The following PATJ variants were observed in gnomAD, a reference collection of about 807,000 sequenced individuals.
The protein encoded by PATJ is PATJ crumbs cell polarity complex component.
A neutral mutation model predicts 224.9 loss-of-function variants in PATJ; 190 were observed. The observed-to-expected ratio is 0.84, with a 90% CI of 0.75 to 0.95. PATJ has a LOEUF of 0.95. Ranked by LOEUF, PATJ falls within the 40% of genes least tolerant of loss-of-function variation. The pLI, the probability that PATJ is intolerant of heterozygous loss-of-function variation, is 0.00. For missense variants in PATJ, 2,121 were observed against 2,270.3 expected, an observed-to-expected ratio of 0.93 and a Z score of 1.34; for synonymous variants, 769 against 820.3, an observed-to-expected ratio of 0.94 and a Z score of 1.07.
intron 8 of PATJ, among the ~76,000 whole-genome samples, chr1:61,791,007 C>A (rs150782388): frequency 5.9e-5 from 9 of 152,290 alleles, no homozygotes; most frequent in Middle Eastern, 3.4e-3. Context: ...CCTTAAGGTC[C>A]CCTGCATTCC....
chr1:62,141,994 A>G (rs1453644387), intron 41 of PATJ, among the ~76,000 whole-genome samples: 1 of 152,214 alleles, frequency 6.6e-6, no homozygotes, highest in Non-Finnish European at 1.5e-5. Flanking sequence ...AAATAAACAA[A>G]TAAATAAAAA....
chr1:61,839,008 G>A (rs1660657994), intron 17 of PATJ, among the ~76,000 whole-genome samples: 1 of 152,094 alleles, frequency 6.6e-6, no homozygotes, highest in Non-Finnish European at 1.5e-5. Context: ...TGTCATTTTA[G>A]AAGTGAAGAA....
At chr1:62,045,282 A>G (rs1474131546) in intron 30 of PATJ, among the ~76,000 whole-genome samples, 1 of 152,206 alleles carries the variant, frequency 6.6e-6, no homozygotes, top group Non-Finnish European at 1.5e-5. Flanking sequence ...TAACGAATTT[A>G]ACTTTTATTG....
At chr1:61,770,278 G>A (rs887233498) in intron 5 of PATJ, among the ~76,000 whole-genome samples, 2 of 152,112 alleles carry the variant, frequency 1.3e-5, no homozygotes, top group Non-Finnish European at 2.9e-5. Flanking sequence ...ACAGGAAGAG[G>A]AAGAATATCT....
chr1:61,860,538 G>A (rs1664376785), intron 18 of PATJ, among the ~76,000 whole-genome samples: 1 of 151,892 alleles, frequency 6.6e-6, no homozygotes, highest in African/African-American at 2.4e-5. Flanking sequence ...GTAAGATGAG[G>A]ATTGGCTGTA....
Position 62,017,713 on chromosome 1 carries a change from C to CA in PATJ, c.3868-142dup, listed in dbSNP as rs1358212598. The CA allele has an allele frequency of 2.8e-5, 12 of 432,700 alleles. No individual in the cohort carries two copies. The African/African-American group carries it at 2.9e-4, about 11-fold the overall frequency. 26.8% of individuals were successfully genotyped at this position (432,700 alleles called of 1,614,324 possible). On this transcript the variant is annotated intron_variant, in intron 28 of 43. Transcript: ENST00000642238. ...CACCATTGCACTCCAGCCTGGGCGA[C>CA]AGAGTGAGACTGTCTCAAAAAAAAA...
At chr1:62,152,397 G>A (rs1390588785) in intron 42 of PATJ, among the ~76,000 whole-genome samples, 1 of 152,068 alleles carries the variant, frequency 6.6e-6, no homozygotes, top group Admixed American at 6.6e-5. Flanking sequence ...GCTCACGCCT[G>A]GAATCCCAGC....
At chr1:62,066,124 G>T (rs965723818) in intron 31 of PATJ, among the ~76,000 whole-genome samples, 3 of 152,150 alleles carry the variant, frequency 2.0e-5, no homozygotes, top group East Asian at 1.9e-4. Flanking sequence ...GAAGAATCCT[G>T]CCTTCAGGGA....
chr1:62,016,274 T>G (rs1646765399), intron 28 of PATJ, among the ~76,000 whole-genome samples: 1 of 152,210 alleles, frequency 6.6e-6, no homozygotes, highest in Admixed American at 6.5e-5. Context: ...TATTTTAAAG[T>G]GTTCACTTCC....
intron 34 of PATJ, 39 bp downstream of exon 34, chr1:62,108,559 G>T: frequency 1.6e-6 from 2 of 1,278,392 alleles, no homozygotes; most frequent in Non-Finnish European, 1.1e-6. Flanking sequence ...CAGTAAATGT[G>T]GTTCCTTTGC....
At chr1:61,852,201 T>C (rs913101256) in intron 17 of PATJ, among the ~76,000 whole-genome samples, 11 of 151,644 alleles carry the variant, frequency 7.3e-5, no homozygotes, top group East Asian at 1.9e-4. Context: ...GGTACACTGT[T>C]ACAGTGTGTA....
intron 4 of PATJ, among the ~76,000 whole-genome samples, chr1:61,768,194 G>A (rs548914907): frequency 7.9e-5 from 12 of 152,148 alleles, no homozygotes; most frequent in African/African-American, 2.4e-4. Context: ...ATTGGGCTGC[G>A]CATGGTGACT....
At chr1:61,922,193 CCACCA>C (rs1382186089) in intron 26 of PATJ, among the ~76,000 whole-genome samples, 1 of 152,064 alleles carries the variant, frequency 6.6e-6, no homozygotes, top group African/African-American at 2.4e-5. Flanking sequence ...CAGGTGCACA[CCACCA>C]CACCTGGCTA....
chr1:61,751,860 C>T (rs1020093096), intron 1 of PATJ, among the ~76,000 whole-genome samples: 2 of 147,294 alleles, frequency 1.4e-5, no homozygotes, highest in African/African-American at 2.5e-5. Context: ...TAAAAAAGGC[C>T]GGGCGTGGTG....
chr1:61,790,941 A>G (rs959573088), intron 8 of PATJ, among the ~76,000 whole-genome samples: 4 of 152,226 alleles, frequency 2.6e-5, no homozygotes, highest in African/African-American at 7.2e-5. Flanking sequence ...CCTTGCAACT[A>G]TAGGACTGAG....
chr1:61,949,946 T>C (rs1004832034), intron 27 of PATJ, among the ~76,000 whole-genome samples: 3 of 150,972 alleles, frequency 2.0e-5, no homozygotes, highest in Admixed American at 6.6e-5. Flanking sequence ...ATGCCTGTAA[T>C]CCCAGCACTT....
At chr1:61,818,957 A>C (rs1185272759) in intron 14 of PATJ, among the ~76,000 whole-genome samples, 2 of 152,208 alleles carry the variant, frequency 1.3e-5, no homozygotes, top group African/African-American at 4.8e-5. Context: ...TAAGTAGCAA[A>C]GATCTCTGTG....
chr1:62,155,639 A>C (rs1669105684), intron 43 of PATJ, among the ~76,000 whole-genome samples: 1 of 151,130 alleles, frequency 6.6e-6, no homozygotes, highest in Non-Finnish European at 1.5e-5. Context: ...AATATTCTTC[A>C]TGTATTTCGT....
Position 62,161,530 on chromosome 1 carries a change from A to C in PATJ, c.*476A>C, listed in dbSNP as rs1669843186. The C allele has an allele frequency of 6.6e-6, 1 of 151,668 alleles. No homozygotes were observed. Among genetic ancestry groups the C allele is most frequent in the South Asian group, 2.1e-4 (1 of 4,790 alleles). The allele number at this position is 151,668 out of a possible 1,614,324, so 9.4% of individuals were successfully genotyped here. On this transcript the variant is annotated 3_prime_UTR_variant, in exon 44 of 44. Coordinates refer to ENST00000642238, the MANE Select transcript of PATJ (RefSeq NM_001350145.3). ...ATTTTTGTTTTTTTAGTAGAGATGG[A>C]GCTTCCCCATGTGGGCCAGGCTGGT...
Sources: gnomAD v4.1 joint callset for allele counts (sites outside exome capture counted in the v4.1 genomes callset) on GRCh38, gnomAD v4.1.1 for gene constraint, MANE v1.5 for transcripts, NCBI Gene and HGNC (gene_info 2026-07-23, HGNC 2026-07-21) for gene names.